The following RBFOX1 variants were observed in gnomAD, a reference collection of about 807,000 sequenced individuals.
RBFOX1 encodes the protein RNA binding fox-1 homolog 1, also known as RNA binding protein fox-1 homolog 1.
RBFOX1 carries 8 observed loss-of-function variants against 57.7 expected under a neutral mutation model. That is an observed-to-expected ratio of 0.14 (90% CI 0.08 to 0.25). The LOEUF (loss-of-function observed/expected upper bound fraction) is 0.25, where lower values mean the gene tolerates loss of function less well. Ranked by LOEUF, RBFOX1 falls within the 10% of genes least tolerant of loss-of-function variation. The pLI is 1.00. For missense variants in RBFOX1, 611 were observed against 548.5 expected, an observed-to-expected ratio of 1.11 and a Z score of -1.14; for synonymous variants, 326 against 222.4, an observed-to-expected ratio of 1.47 and a Z score of -4.15.
At chr16:6,837,524 T>C (rs2093186791) in intron 3 of RBFOX1, among the ~76,000 whole-genome samples, 2 of 152,162 alleles carry the variant, frequency 1.3e-5, no homozygotes, top group Admixed American at 1.3e-4. Context: ...ACCGGGTAAT[T>C]GGGAAGACTA....
At chr16:6,885,464 A>C (rs1217222671) in intron 3 of RBFOX1, among the ~76,000 whole-genome samples, 1 of 152,232 alleles carries the variant, frequency 6.6e-6, no homozygotes, top group Non-Finnish European at 1.5e-5. Context: ...CGTAACAGTG[A>C]TTCCTGGAGA....
At chr16:7,028,371 ATC>A (rs1568435173) in intron 3 of RBFOX1, among the ~76,000 whole-genome samples, 1 of 152,034 alleles carries the variant, frequency 6.6e-6, no homozygotes. Flanking sequence ...GATGGATTTT[ATC>A]TCTCTGATGC....
chr16:5,898,920 G>A (rs62013862), intron 4 of RBFOX1, among the ~76,000 whole-genome samples: 43,297 of 150,126 alleles, frequency 0.29, 7,591 homozygotes, highest in South Asian at 0.49. Context: ...AAAAGTAGCC[G>A]GGTGTGGTGT....
intron 4 of RBFOX1, among the ~76,000 whole-genome samples, chr16:7,286,512 C>A (rs1285198174): frequency 6.8e-6 from 1 of 146,870 alleles, no homozygotes; most frequent in East Asian, 2.0e-4. Flanking sequence ...TACAGTGATG[C>A]CATCTCAGCT....
intron 3 of RBFOX1, among the ~76,000 whole-genome samples, chr16:6,766,633 A>T (rs1285340228): frequency 1.3e-5 from 2 of 151,952 alleles, no homozygotes; most frequent in Non-Finnish European, 2.9e-5. Flanking sequence ...TAGTGCTACC[A>T]AGGAGCTGAA....
At chr16:6,878,087 G>C (rs1212516785) in intron 3 of RBFOX1, among the ~76,000 whole-genome samples, 5 of 152,158 alleles carry the variant, frequency 3.3e-5, no homozygotes, top group Non-Finnish European at 7.4e-5. Flanking sequence ...AGAGAGAATG[G>C]CTGAGATATA....
Position 6,054,780 on chromosome 16 carries a change from T to TTTA in RBFOX1, c.-127+34803_-127+34805dup, listed in dbSNP as rs575973559. 2.7e-3 allele frequency among the ~76,000 whole-genome samples: 417 copies of TTTA among 152,188 alleles called. 2 individuals carry two copies. The highest frequency in any genetic ancestry group is 9.7e-3 in the African/African-American group (402 of 41,514). On this transcript the variant is annotated intron_variant, in intron 1 of 15. Coordinates refer to ENST00000550418, the MANE Select transcript of RBFOX1 (RefSeq NM_018723.4). ...ATGTTATGCTATATTGGCTACTTTT[T>TTTA]TTATTATTATTATTATTTTTGAGAC...
chr16:7,039,908 C>T (rs1385583802), intron 3 of RBFOX1, among the ~76,000 whole-genome samples: 1 of 149,108 alleles, frequency 6.7e-6, no homozygotes, highest in African/African-American at 2.5e-5. Flanking sequence ...AGAATCCACA[C>T]AAAAATACTT....
At chr16:5,589,861 G>C (rs773778190) in intron 2 of RBFOX1, among the ~76,000 whole-genome samples, 15 of 152,100 alleles carry the variant, frequency 9.9e-5, no homozygotes, top group Non-Finnish European at 1.9e-4. Flanking sequence ...CACTGCCTTG[G>C]CCTGCAGAGG....
At chr16:5,664,345 C>T (rs899875831) in intron 3 of RBFOX1, among the ~76,000 whole-genome samples, 3 of 152,024 alleles carry the variant, frequency 2.0e-5, no homozygotes, top group Admixed American at 6.5e-5. Flanking sequence ...GTTGAGAGAT[C>T]GAGACCATAC....
chr16:5,919,541 C>T (rs111891242), intron 4 of RBFOX1, among the ~76,000 whole-genome samples: 9,551 of 151,954 alleles, frequency 0.063, 409 homozygotes, highest in African/African-American at 0.1. Context: ...ACGGGGTTTC[C>T]CCATGTTGGT....
intron 2 of RBFOX1, among the ~76,000 whole-genome samples, chr16:6,611,124 T>G (rs750577382): frequency 1.3e-5 from 2 of 152,128 alleles, no homozygotes; most frequent in Non-Finnish European, 2.9e-5. Flanking sequence ...GATGACAAAG[T>G]GGACTGTAAT....
intron 3 of RBFOX1, among the ~76,000 whole-genome samples, chr16:6,826,592 C>T (rs372452213): frequency 1.3e-5 from 2 of 152,180 alleles, no homozygotes; most frequent in African/African-American, 4.8e-5. Context: ...TATTCCTCCT[C>T]TCTTTGGTCC....
chr16:6,206,927 A>C (rs2097259153), intron 1 of RBFOX1, among the ~76,000 whole-genome samples: 1 of 151,564 alleles, frequency 6.6e-6, no homozygotes, highest in East Asian at 1.9e-4. Flanking sequence ...GCACATGGTG[A>C]GCACCTTGTA....
intron 4 of RBFOX1, among the ~76,000 whole-genome samples, chr16:7,192,325 G>A (rs932082145): frequency 6.6e-6 from 1 of 152,134 alleles, no homozygotes; most frequent in African/African-American, 2.4e-5. Flanking sequence ...CAGTGGAGAG[G>A]TTCCATCTAA....
At chr16:6,533,867 A>C (rs948996665) in intron 2 of RBFOX1, among the ~76,000 whole-genome samples, 1 of 152,298 alleles carries the variant, frequency 6.6e-6, no homozygotes, top group Admixed American at 6.5e-5. Flanking sequence ...ATAAAAGAGA[A>C]GTTTGACAGA....
intron 3 of RBFOX1, among the ~76,000 whole-genome samples, chr16:5,861,210 G>A (rs1343619896): frequency 6.6e-6 from 1 of 152,152 alleles, no homozygotes; most frequent in Admixed American, 6.5e-5. Flanking sequence ...GGGGATGTGT[G>A]GGCAGCCAGC....
intron 4 of RBFOX1, among the ~76,000 whole-genome samples, chr16:5,948,423 C>T (rs748126439): frequency 6.6e-6 from 1 of 152,170 alleles, no homozygotes; most frequent in Non-Finnish European, 1.5e-5. Context: ...TGAACAGCGT[C>T]TGCCCAAAAT....
At chr16:6,279,378 G>T (rs1416461434) in intron 1 of RBFOX1, among the ~76,000 whole-genome samples, 1 of 152,190 alleles carries the variant, frequency 6.6e-6, no homozygotes. Context: ...TTGAAGGGGA[G>T]ACTGTAGATT....
Sources: allele counts gnomAD v4.1 joint callset (sites outside exome capture counted in the v4.1 genomes callset), GRCh38; gene constraint gnomAD v4.1.1; transcripts MANE v1.5; gene names NCBI Gene and HGNC (gene_info 2026-07-23, HGNC 2026-07-21).